Variants in RIF1 observed in about 807,000 individuals in gnomAD.
RIF1 encodes the protein telomere-associated protein RIF1.
RIF1 carries 45 observed loss-of-function variants against 247.1 expected under a neutral mutation model. That is an observed-to-expected ratio of 0.18 (90% CI 0.14 to 0.23). The LOEUF is 0.23. Among genes scored for constraint, RIF1 ranks in the 10% least tolerant of loss-of-function variants. The probability of loss-of-function intolerance (pLI) is 1.00; values close to 1 mark genes in which losing one functional copy is unlikely to be tolerated. For missense variants in RIF1, 2,967 were observed against 2,862.5 expected (o/e 1.04, Z -0.83); for synonymous variants, 1,087 against 978.8 (o/e 1.11, Z -2.06).
the RIF1 span, chr2:151,524,468 T>G: frequency 6.2e-7 from 1 of 1,611,636 alleles, no homozygotes. Flanking sequence ...CTGGCATGCC[T>G]TGGCAATGGC....
intron 27 of RIF1, 94 bp from the exon 28 acceptor site, chr2:151,462,148 C>T (rs1696282942): frequency 3.9e-6 from 3 of 777,526 alleles, no homozygotes; most frequent in South Asian, 2.8e-5. Flanking sequence ...GCTGGGATTA[C>T]AGGCGTGAGC....
the RIF1 span, chr2:151,526,052 T>C: frequency 2.5e-6 from 4 of 1,613,798 alleles, no homozygotes; most frequent in East Asian, 2.2e-5. Context: ...CTTCTTGACA[T>C]GGTCCTTGTA....
At chr2:151,458,952 T>G (rs373753761) in intron 25 of RIF1, 42 bp downstream of exon 25, 8 of 1,240,356 alleles carry the variant, frequency 6.4e-6, no homozygotes, top group South Asian at 3.9e-5. Context: ...TTTGGACATT[T>G]AAGTTATTTG....
chr2:151,464,221 G>A lies in RIF1; in HGVS notation c.4701G>A (p.Lys1567=), dbSNP rs780142814. The A allele has an allele frequency of 6.2e-7, 1 of 1,613,664 alleles. No homozygotes were observed. Residue 1567 remains lysine, a synonymous_variant, in exon 30 of 36, where the codon AAG becomes AAA. Coordinates refer to ENST00000444746, the MANE Select transcript of RIF1 (RefSeq NM_018151.5). ...CAAAAGAAGAAGGTTCTAGGAAGAA[G>A]AGATCTGGAAAATGGAAAAACAAAA... is the stretch of plus-strand genomic sequence containing the variant. ...SEAKEEGSRK[K]RSGKWKNKSN... is the part of the protein sequence containing the mutation.
chr2:151,497,846 G>GACT (rs1174115270), intron 10 of RIF1: 1 of 1,518,360 alleles, frequency 6.6e-7, no homozygotes, highest in Non-Finnish European at 8.8e-7. Flanking sequence ...AAATGCCACC[G>GACT]ACTACTTTAG....
the RIF1 span, chr2:151,526,276 A>G: frequency 3.2e-6 from 5 of 1,561,278 alleles, no homozygotes; most frequent in African/African-American, 4.1e-5. Flanking sequence ...CAGGGGCAGG[A>G]AAAGGGGCAT....
chr2:151,433,735 A>C (rs1690613388), intron 10 of RIF1, among the ~76,000 whole-genome samples: 1 of 152,064 alleles, frequency 6.6e-6, no homozygotes, highest in Non-Finnish European at 1.5e-5. Flanking sequence ...GATTACAGGC[A>C]TGAGCCACCG....
chr2:151,497,365 T>C (rs373834327), intron 10 of RIF1: 17 of 982,016 alleles, frequency 1.7e-5, no homozygotes, highest in Middle Eastern at 5.2e-4. Flanking sequence ...AGTGGTGTTA[T>C]CCACACAAAC....
intron 19 of RIF1, 141 bp downstream of exon 19, chr2:151,445,586 G>T (rs576077654): frequency 9.5e-6 from 6 of 629,232 alleles, no homozygotes; most frequent in East Asian, 2.7e-5. Context: ...TCACATTGTC[G>T]TCCAGGCTTG....
the RIF1 span, chr2:151,531,886 C>T: frequency 1.3e-6 from 2 of 1,568,040 alleles, no homozygotes; most frequent in Non-Finnish European, 1.7e-6. Flanking sequence ...ATAGTTTTTC[C>T]TGTATTTGAT....
intron 10 of RIF1, chr2:151,496,166 T>G: frequency 4.0e-6 from 5 of 1,248,676 alleles, no homozygotes; most frequent in Non-Finnish European, 5.6e-6. Context: ...CTAAAGAAAT[T>G]TCACAAAATT....
At chr2:151,470,779 T>A (rs1010974429) in intron 34 of RIF1, among the ~76,000 whole-genome samples, 1 of 152,174 alleles carries the variant, frequency 6.6e-6, no homozygotes, top group Non-Finnish European at 1.5e-5. Context: ...TAAACATTCA[T>A]TAACTGGTTA....
At chr2:151,488,313 AT>A (rs1316289430) in intron 9 of RIF1, among the ~76,000 whole-genome samples, 2 of 152,014 alleles carry the variant, frequency 1.3e-5, no homozygotes, top group African/African-American at 4.8e-5. Context: ...ATACTTCTAG[AT>A]TTTGGAATTT....
the RIF1 span, chr2:151,519,761 TA>T: frequency 6.2e-7 from 1 of 1,601,854 alleles, no homozygotes. Flanking sequence ...ATTTTCTCGG[TA>T]TTTAACCTAA....
intron 18 of RIF1, 118 bp downstream of exon 18, chr2:151,443,827 G>T: frequency 3.4e-6 from 2 of 592,936 alleles, no homozygotes; most frequent in Non-Finnish European, 5.4e-6. Context: ...TTTTTCTGGT[G>T]GAATTGGTAA....
At chr2:151,423,715 A>C (rs1454684267) in intron 8 of RIF1, 1 of 152,212 alleles carries the variant, frequency 6.6e-6, no homozygotes, top group East Asian at 1.9e-4. Context: ...TATAATAGAA[A>C]ACCATAACTA....
At position 151,507,772 on chromosome 2, in the gene RIF1, A is replaced by G. The variant is rs951023735; in HGVS notation, c.*1071A>G. On this transcript the variant is annotated 3_prime_UTR_variant and NMD_transcript_variant, in exon 14 of 14. Coordinates refer to the RIF1 transcript ENST00000454583. ...TTGCCATGGGTGAGGAAAAGATACT[A>G]TATTTTCTCCCCAATACCACCAACG... The G allele has an allele frequency of 5.4e-5, 26 of 482,634 alleles. No individual in the cohort carries two copies. The South Asian group carries it at 6.5e-4, about 12-fold the overall frequency. 29.9% of individuals were successfully genotyped at this position (482,634 alleles called of 1,614,324 possible). A position where few individuals can be genotyped will look rare whatever the true frequency, so the allele number is the denominator to read the frequency against.
rs145490516 is a variant in RIF1 at position 151,437,263 on chromosome 2, C to T, written c.1395C>T (p.Ile465=). Reference sequence around the variant, plus strand: ...CAGAGCCATTGGAACATCCGTTAATCAGCAGCCCTTCCTTTTTTTCCAAAC... The same window carrying T: ...CAGAGCCATTGGAACATCCGTTAATTAGCAGCCCTTCCTTTTTTTCCAAAC... The part of the protein sequence containing the change: ...LSLEPLEHPL[I]SSPSFFSKHA... The change falls in exon 13 of 36, where the codon ATC becomes ATT. Residue 465 remains isoleucine, a synonymous_variant. Transcript: ENST00000444746. 1.4e-5 allele frequency: 23 copies of T among 1,612,754 alleles called. No individual in the cohort carries two copies. The Admixed American group carries it at 2.2e-4, about 15-fold the overall frequency.
rs1696310514 is a variant in RIF1 at position 151,462,293 on chromosome 2, A to T, written c.3279A>T (p.Leu1093Phe). 13 of 1,589,350 alleles carry T rather than the reference A, an allele frequency of 8.2e-6. No individual in the cohort carries two copies. The East Asian group carries it at 2.9e-4, about 36-fold the overall frequency. Residue 1093 changes from leucine (L) to phenylalanine (F), a missense_variant, in exon 28 of 36, where the codon TTA becomes TTT. Leu to Phe is a conservative substitution (Grantham distance 22, BLOSUM62 0). Coordinates refer to ENST00000444746, the MANE Select transcript of RIF1 (RefSeq NM_018151.5). ...ATCTGGATGTTTCCCAAGATACCTTATTTACTCAGTATAGTCAGGAAGAGC... is the reference window on the plus strand; with the variant it reads ...ATCTGGATGTTTCCCAAGATACCTTTTTTACTCAGTATAGTCAGGAAGAGC... ...YNNLDVSQDTLFTQYSQEEPM... is the reference protein window; with the variant it reads ...YNNLDVSQDTFFTQYSQEEPM...
Sources: allele counts gnomAD v4.1 joint callset (sites outside exome capture counted in the v4.1 genomes callset), GRCh38; gene constraint gnomAD v4.1.1; transcripts MANE v1.5; gene names NCBI Gene and HGNC (gene_info 2026-07-23, HGNC 2026-07-21).